C12orf42: variants seen among roughly 807,000 people sequenced by gnomAD.
The protein encoded by C12orf42 is chromosome 12 open reading frame 42.
C12orf42 carries 25 observed loss-of-function variants against 21.6 expected under a neutral mutation model. The ratio of observed to expected loss-of-function variants is 1.16; its 90% confidence interval spans 0.84 to 1.62. The LOEUF is 1.62. C12orf42 is among the 40% of genes most tolerant of loss of function. The pLI is 0.00. For missense variants in C12orf42, 483 were observed against 459.3 expected (o/e 1.05, Z -0.47); for synonymous variants, 174 against 175.0 (o/e 0.99, Z 0.05).
the C12orf42 span, among the ~76,000 whole-genome samples, chr12:103,192,298 A>T: frequency 6.6e-6 from 1 of 151,922 alleles, no homozygotes; most frequent in Non-Finnish European, 1.5e-5. Context: ...AGGTCAAGAG[A>T]TCAAGACCAT....
the C12orf42 span, among the ~76,000 whole-genome samples, chr12:103,527,842 T>G: frequency 6.6e-6 from 1 of 152,232 alleles, no homozygotes; most frequent in Non-Finnish European, 1.5e-5. Context: ...CTGCTCCTAC[T>G]TCTACCCACT....
chr12:103,442,974 G>T (rs144819562), intron 2 of C12orf42, among the ~76,000 whole-genome samples: 6 of 152,068 alleles, frequency 3.9e-5, no homozygotes, highest in Admixed American at 1.3e-4. Context: ...AGTAAACACG[G>T]CAGGTGCTCT....
intron 4 of C12orf42, among the ~76,000 whole-genome samples, chr12:103,313,222 A>G (rs188437388): frequency 5.3e-5 from 8 of 152,366 alleles, no homozygotes; most frequent in African/African-American, 1.2e-4. Context: ...CGGCATATCT[A>G]AAGTCCAACA....
At chr12:103,070,252 T>C in the C12orf42 span, among the ~76,000 whole-genome samples, 1 of 152,136 alleles carries the variant, frequency 6.6e-6, no homozygotes, top group Non-Finnish European at 1.5e-5. Flanking sequence ...AGTTGTGATT[T>C]CCTTGGCAGC....
chr12:103,115,713 G>T, the C12orf42 span, among the ~76,000 whole-genome samples: 1 of 152,182 alleles, frequency 6.6e-6, no homozygotes, highest in Non-Finnish European at 1.5e-5. Flanking sequence ...CCAAAAGTTA[G>T]TTCAAAGACC....
At chr12:103,073,257 T>C in the C12orf42 span, among the ~76,000 whole-genome samples, 1 of 152,108 alleles carries the variant, frequency 6.6e-6, no homozygotes, top group Non-Finnish European at 1.5e-5. Context: ...GATGAAATAA[T>C]CTGTACAACA....
chr12:103,499,921 T>G (rs1019095909), upstream of C12orf42, among the ~76,000 whole-genome samples: 2 of 152,180 alleles, frequency 1.3e-5, no homozygotes, highest in Non-Finnish European at 2.9e-5. Flanking sequence ...TAATAAGAAC[T>G]TAAATTAGAT....
intron 4 of C12orf42, among the ~76,000 whole-genome samples, chr12:103,326,108 T>C (rs1416076437): frequency 6.6e-6 from 1 of 152,196 alleles, no homozygotes; most frequent in Non-Finnish European, 1.5e-5. Context: ...TACCCTCCAT[T>C]TTTTCAAATA....
chr12:103,181,466 A>G, the C12orf42 span, among the ~76,000 whole-genome samples: 47 of 152,326 alleles, frequency 3.1e-4, 1 homozygote, highest in Middle Eastern at 0.01. Flanking sequence ...CTCAACAACA[A>G]CAAAATAGAT....
intron 2 of C12orf42, among the ~76,000 whole-genome samples, chr12:103,468,407 A>T (rs993971681): frequency 1.3e-5 from 2 of 152,226 alleles, no homozygotes; most frequent in South Asian, 2.1e-4. Flanking sequence ...TCTAAACGTA[A>T]TGCATGTAAT....
chr12:103,440,548 G>A (rs566491894), intron 2 of C12orf42, among the ~76,000 whole-genome samples: 3 of 145,910 alleles, frequency 2.1e-5, no homozygotes, highest in African/African-American at 5.0e-5. Flanking sequence ...CAAAATAGAC[G>A]CATAAATTTT....
chr12:103,233,466 C>T (rs1328317482), downstream of C12orf42, among the ~76,000 whole-genome samples: 1 of 152,080 alleles, frequency 6.6e-6, no homozygotes. Flanking sequence ...CATGAAATAA[C>T]TCTCTGTTTA....
chr12:103,365,720 T>C (rs1048630650), intron 4 of C12orf42, among the ~76,000 whole-genome samples: 3 of 151,922 alleles, frequency 2.0e-5, no homozygotes, highest in Non-Finnish European at 2.9e-5. Context: ...CTCAACCCTT[T>C]TTACAGTAGT....
intron 2 of C12orf42, among the ~76,000 whole-genome samples, chr12:103,410,183 A>G (rs1336411334): frequency 6.6e-6 from 1 of 152,190 alleles, no homozygotes. Context: ...AAAGACTTCA[A>G]ACTCAACTGT....
chr12:103,503,002 C>T, the C12orf42 span, among the ~76,000 whole-genome samples: 1 of 152,158 alleles, frequency 6.6e-6, no homozygotes, highest in Non-Finnish European at 1.5e-5. Context: ...TTATAAATGC[C>T]ACCTGAAACC....
In C12orf42 at chr12:103,368,794, G is replaced by A. The variant is rs530890536; in HGVS notation, c.259+93C>T. ...TGCCATTTTGAAACATAGCACAACT[G>A]TTCTTCAATACAATCTTTATGATTA... On this transcript the variant is annotated intron_variant, in intron 4 of 5. Coordinates refer to ENST00000548883, the MANE Select transcript of C12orf42 (RefSeq NM_198521.5). 39 of 653,806 alleles carry A rather than the reference G, an allele frequency of 6.0e-5. No individual in the cohort carries two copies. In the African/African-American group the frequency reaches 6.5e-4, roughly 11 times the overall value. 40.5% of individuals were successfully genotyped at this position (653,806 alleles called of 1,614,324 possible).
chr12:103,154,509 G>A, the C12orf42 span, among the ~76,000 whole-genome samples: 1 of 151,760 alleles, frequency 6.6e-6, no homozygotes, highest in South Asian at 2.1e-4. Flanking sequence ...TTTCAGAAAT[G>A]CAAAACATTT....
In C12orf42 at chr12:103,431,646, C is replaced by T. The variant is rs895761354; in HGVS notation, c.79-29971G>A. 4.6e-5 allele frequency among the ~76,000 whole-genome samples: 7 copies of T among 152,294 alleles called. 1 individual carries two copies. Among genetic ancestry groups the T allele is most frequent in the Admixed American group, 2.6e-4 (4 of 15,298 alleles). On this transcript the variant is annotated intron_variant, in intron 2 of 5. Transcript: ENST00000548883. ...AATATACACATATACATTACATACC[C>T]TGGCCCACAATAAGTGCTTAAGAAA...
At chr12:103,478,495 T>A (rs1954231542) in intron 1 of C12orf42, 48 bp from the exon 2 acceptor site, 2 of 889,460 alleles carry the variant, frequency 2.2e-6, no homozygotes, top group African/African-American at 3.4e-5. Context: ...AATGATGCAA[T>A]GATAATATTA....
Sources: allele counts gnomAD v4.1 joint callset (sites outside exome capture counted in the v4.1 genomes callset), GRCh38; gene constraint gnomAD v4.1.1; transcripts MANE v1.5; gene names NCBI Gene and HGNC (gene_info 2026-07-23, HGNC 2026-07-21).